Variants in ME3 observed in about 807,000 individuals in gnomAD.
ME3 encodes malic enzyme 3, also known as NADP-dependent malic enzyme, mitochondrial.
ME3 carries 48 observed loss-of-function variants against 68.9 expected under a neutral mutation model. The observed-to-expected ratio is 0.70, with a 90% confidence interval of 0.55 to 0.89. The LOEUF (loss-of-function observed/expected upper bound fraction) is 0.89. Ranked by LOEUF, ME3 falls within the 40% of genes least tolerant of loss-of-function variation. ME3 has a pLI of 0.00. For missense variants in ME3, 675 were observed against 797.4 expected, an observed-to-expected ratio of 0.85 and a Z score of 1.85; for synonymous variants, 320 against 318.8, an observed-to-expected ratio of 1.00 and a Z score of -0.04.
chr11:86,535,415 G>A (rs1955585210), intron 4 of ME3, among the ~76,000 whole-genome samples: 1 of 152,120 alleles, frequency 6.6e-6, no homozygotes, highest in East Asian at 1.9e-4. Flanking sequence ...GATGAGGACT[G>A]GACATTATTA....
At position 86,598,124 on chromosome 11, in the gene ME3, G is replaced by C. The variant is rs530225651; in HGVS notation, c.184-38301C>G. On this transcript the variant is annotated intron_variant, in intron 2 of 14. Coordinates refer to ENST00000543262, the Ensembl canonical transcript of ME3. ...GGACAGTGGGTGCAGTGCACCATGC[G>C]CCAGCCGAAGCAGGGCAAGGCAGTG... Among the ~76,000 whole-genome samples, 174 of 152,268 alleles carry C rather than the reference G, an allele frequency of 1.1e-3. 1 individual carries two copies. The highest frequency in any genetic ancestry group is 6.8e-3 in the Middle Eastern group (2 of 294).
chr11:86,478,289 C>T (rs1219910622), intron 7 of ME3, among the ~76,000 whole-genome samples: 1 of 129,052 alleles, frequency 7.7e-6, no homozygotes, highest in Non-Finnish European at 1.5e-5. Flanking sequence ...CTCATCTTTG[C>T]CCAATCTCTC....
chr11:86,505,928 C>T (rs977007401), intron 5 of ME3, among the ~76,000 whole-genome samples: 9 of 152,204 alleles, frequency 5.9e-5, no homozygotes, highest in African/African-American at 2.2e-4. Context: ...CAGCCAGTCA[C>T]CTGTCTGCCC....
chr11:86,544,309 C>T (rs572832170), intron 4 of ME3, among the ~76,000 whole-genome samples: 1 of 152,086 alleles, frequency 6.6e-6, no homozygotes, highest in African/African-American at 2.4e-5. Context: ...AAGATCAGAG[C>T]AGAACTGAAG....
At chr11:86,448,618 C>A (rs1364408441) in intron 10 of ME3, among the ~76,000 whole-genome samples, 1 of 152,148 alleles carries the variant, frequency 6.6e-6, no homozygotes, top group Non-Finnish European at 1.5e-5. Flanking sequence ...GCACCAAGCT[C>A]AGTTGAGGGA....
intron 7 of ME3, among the ~76,000 whole-genome samples, chr11:86,471,240 A>C (rs149240904): frequency 0.012 from 1,768 of 145,510 alleles, 45 homozygotes; most frequent in African/African-American, 0.043. Flanking sequence ...GGTTCAAGCA[A>C]TTCTCCTGCC....
chr11:86,528,421 C>A (rs12791972), intron 4 of ME3, among the ~76,000 whole-genome samples: 25,333 of 151,902 alleles, frequency 0.17, 2,270 homozygotes, highest in African/African-American at 0.24. Flanking sequence ...AGTTTAGCAT[C>A]CCACTGTCAA....
At chr11:86,651,261 C>T (rs11512938) in intron 2 of ME3, among the ~76,000 whole-genome samples, 67,907 of 152,088 alleles carry the variant, frequency 0.45, 16,935 homozygotes, top group Non-Finnish European at 0.57. Flanking sequence ...TCTCCCAGCA[C>T]GCAGCTTGAG....
chr11:86,441,420 T>C, exon 15 of ME3: 1 of 1,601,456 alleles, frequency 6.2e-7, no homozygotes, highest in South Asian at 1.1e-5. Flanking sequence ...CCAGGTTGTG[T>C]TTGTACGCGT....
intron 4 of ME3, among the ~76,000 whole-genome samples, chr11:86,526,361 A>G (rs371883191): frequency 2.0e-5 from 3 of 152,308 alleles, no homozygotes; most frequent in East Asian, 3.9e-4. Flanking sequence ...AGGTAAACAA[A>G]GCAGCCGGGA....
At chr11:86,643,310 C>T (rs915516021) in intron 2 of ME3, among the ~76,000 whole-genome samples, 1 of 25,318 alleles carries the variant, frequency 3.9e-5, no homozygotes, top group African/African-American at 1.3e-4. Context: ...GCAGCCCATG[C>T]CCCCTACCCA....
chr11:86,527,080 A>T (rs1345312389), intron 4 of ME3, among the ~76,000 whole-genome samples: 1 of 152,230 alleles, frequency 6.6e-6, no homozygotes, highest in Non-Finnish European at 1.5e-5. Flanking sequence ...CTAAAGGAGG[A>T]AGTTCGAACC....
intron 2 of ME3, among the ~76,000 whole-genome samples, chr11:86,570,333 G>A (rs1014452724): frequency 6.6e-6 from 1 of 152,192 alleles, no homozygotes; most frequent in Non-Finnish European, 1.5e-5. Context: ...CTGATGAGCT[G>A]TTAGGGGACC....
rs1356672811 is a variant in ME3 at position 86,593,588 on chromosome 11, T to G, written c.184-33765A>C. 1.4e-5 allele frequency among the ~76,000 whole-genome samples: 2 copies of G among 146,480 alleles called. 1 individual carries two copies. The highest frequency in any genetic ancestry group is 1.5e-4 in the Admixed American group (2 of 13,768). ...TTTTCTGATACATTTTCTCCCAAGT[T>G]TGAAAGTAATATTACGCACAGAAAA... On this transcript the variant is annotated intron_variant, in intron 2 of 14. Transcript: ENST00000543262.
chr11:86,646,677 A>G (rs945293351), intron 2 of ME3, among the ~76,000 whole-genome samples: 3 of 152,216 alleles, frequency 2.0e-5, no homozygotes, highest in Non-Finnish European at 4.4e-5. Flanking sequence ...ACAGGCCAAC[A>G]TTCAAATTCA....
At chr11:86,559,698 G>C in exon 3 of ME3, 1 of 1,613,408 alleles carries the variant, frequency 6.2e-7, no homozygotes, top group Non-Finnish European at 8.5e-7. Flanking sequence ...ACTTGTCCAG[G>C]TCACTCTGCT....
chr11:86,547,565 G>T (rs907657198), intron 4 of ME3, among the ~76,000 whole-genome samples: 8 of 152,078 alleles, frequency 5.3e-5, no homozygotes, highest in Non-Finnish European at 5.9e-5. Context: ...AACCACCATG[G>T]CATGTGTATA....
chr11:86,494,735 T>G (rs749258959), intron 6 of ME3, among the ~76,000 whole-genome samples: 12 of 151,840 alleles, frequency 7.9e-5, no homozygotes, highest in Admixed American at 2.6e-4. Context: ...TAGGTGACAG[T>G]GTTGAAACAC....
chr11:86,587,924 T>C (rs1958834943), intron 2 of ME3, among the ~76,000 whole-genome samples: 1 of 152,224 alleles, frequency 6.6e-6, no homozygotes, highest in African/African-American at 2.4e-5. Context: ...GGATTAATAC[T>C]GTCTCAGTTA....
Sources: gnomAD v4.1 joint callset for allele counts (sites outside exome capture counted in the v4.1 genomes callset) on GRCh38, gnomAD v4.1.1 for gene constraint, MANE v1.5 for transcripts, NCBI Gene and HGNC (gene_info 2026-07-23, HGNC 2026-07-21) for gene names.